The following CLASP1 variants were observed in gnomAD, a reference collection of about 807,000 sequenced individuals.
CLASP1 encodes the protein cytoplasmic linker associated protein 1, also known as CLIP-associating protein 1.
CLASP1 carries 38 observed loss-of-function variants against 192.3 expected under a neutral mutation model. That is an observed-to-expected ratio of 0.20 (90% CI 0.15 to 0.26). The LOEUF (loss-of-function observed/expected upper bound fraction) is 0.26. Among genes scored for constraint, CLASP1 ranks in the 10% least tolerant of loss-of-function variants. The pLI, the probability that CLASP1 is intolerant of heterozygous loss-of-function variation, is 1.00. For synonymous variants in CLASP1, 691 were observed against 712.8 expected, an observed-to-expected ratio of 0.97 and a Z score of 0.49; for missense variants, 1,433 against 1,932.5, an observed-to-expected ratio of 0.74 and a Z score of 4.85.
At chr2:121,346,922 C>G in intron 39 of CLASP1, 116 bp downstream of exon 40, 1 of 617,176 alleles carries the variant, frequency 1.6e-6, no homozygotes, top group Non-Finnish European at 2.9e-6. Context: ...GAAATAAGGC[C>G]CAGCTAAAAC....
intron 10 of CLASP1, 150 bp from the exon 11 acceptor site, chr2:121,461,343 TATA>T (rs2149879432): frequency 1.7e-6 from 1 of 582,588 alleles, no homozygotes; most frequent in South Asian, 2.3e-5. Flanking sequence ...CAGTTTTGTC[TATA>T]ATGAGGATCT....
intron 13 of CLASP1, among the ~76,000 whole-genome samples, chr2:121,458,596 T>A (rs1371102127): frequency 6.6e-6 from 1 of 152,108 alleles, no homozygotes; most frequent in Non-Finnish European, 1.5e-5. Context: ...AAACCAATAG[T>A]GAGTTAACAA....
At chr2:121,365,393 G>A (rs12617632) in intron 35 of CLASP1, 109 bp from the exon 37 acceptor site, 111,371 of 1,039,498 alleles carry the variant, frequency 0.11, 10,821 homozygotes, top group African/African-American at 0.45. Flanking sequence ...TCCCAGAGGC[G>A]ATGCCTCCTT....
intron 2 of CLASP1, among the ~76,000 whole-genome samples, chr2:121,566,210 A>G (rs1194990018): frequency 1.3e-5 from 2 of 152,170 alleles, no homozygotes; most frequent in Non-Finnish European, 2.9e-5. Context: ...GCAAAAAGAG[A>G]AATGGGGACG....
intron 1 of CLASP1, among the ~76,000 whole-genome samples, chr2:121,638,670 ATT>A (rs200383506): frequency 5.4e-5 from 7 of 129,558 alleles, no homozygotes; most frequent in African/African-American, 1.3e-4. Context: ...GTTCTTTTTT[ATT>A]TTTTTTTTTT....
At chr2:121,472,811 C>T (rs2090989074) in intron 8 of CLASP1, among the ~76,000 whole-genome samples, 1 of 152,072 alleles carries the variant, frequency 6.6e-6, no homozygotes, top group South Asian at 2.1e-4. Flanking sequence ...TCTTGGTGAC[C>T]CACCCAAGGC....
intron 1 of CLASP1, among the ~76,000 whole-genome samples, chr2:121,643,720 A>G (rs1267403088): frequency 1.3e-5 from 2 of 152,216 alleles, no homozygotes; most frequent in Non-Finnish European, 2.9e-5. Flanking sequence ...ATTGGGAGCC[A>G]TGCCTTTACC....
chr2:121,470,059 G>GA, intron 8 of CLASP1, 99 bp from the exon 9 acceptor site: 1 of 978,766 alleles, frequency 1.0e-6, no homozygotes, highest in Non-Finnish European at 1.5e-6. Flanking sequence ...ATTAGTCTTC[G>GA]AGACTGATTC....
At chr2:121,495,669 C>A (rs113344356) in intron 8 of CLASP1, among the ~76,000 whole-genome samples, 191 of 151,990 alleles carry the variant, frequency 1.3e-3, no homozygotes, top group Non-Finnish European at 2.2e-3. Context: ...CTCAAAAAAA[C>A]GAATAAAAAA....
At chr2:121,470,779 C>T (rs1026667188) in intron 8 of CLASP1, 2 of 335,734 alleles carry the variant, frequency 6.0e-6, no homozygotes, top group African/African-American at 4.4e-5. Context: ...TATAAATGTA[C>T]ATTTCTCCTA....
intron 19 of CLASP1, among the ~76,000 whole-genome samples, chr2:121,441,439 T>C (rs2083324213): frequency 6.6e-6 from 1 of 152,160 alleles, no homozygotes; most frequent in Admixed American, 6.5e-5. Flanking sequence ...AAAAGAATAA[T>C]TTCCTGCCAG....
intron 2 of CLASP1, among the ~76,000 whole-genome samples, chr2:121,568,120 C>T (rs4848712): frequency 0.76 from 116,177 of 152,086 alleles, 47,576 homozygotes; most frequent in Non-Finnish European, 0.9. Flanking sequence ...TTCATCCACT[C>T]GTCTAGAGGG....
intron 33 of CLASP1, among the ~76,000 whole-genome samples, chr2:121,380,906 A>AG (rs1376559990): frequency 1.3e-5 from 2 of 152,268 alleles, no homozygotes; most frequent in Non-Finnish European, 2.9e-5. Context: ...TGTGCTCTGG[A>AG]GGGGCAATCT....
chr2:121,423,487 T>C (rs2079861342), intron 22 of CLASP1, among the ~76,000 whole-genome samples: 1 of 152,072 alleles, frequency 6.6e-6, no homozygotes, highest in Admixed American at 6.6e-5. Context: ...TCTTTAATAA[T>C]ATAAAAGGAA....
intron 2 of CLASP1, among the ~76,000 whole-genome samples, chr2:121,579,722 C>A (rs752034600): frequency 6.6e-6 from 1 of 152,168 alleles, no homozygotes; most frequent in Non-Finnish European, 1.5e-5. Flanking sequence ...AAGCAGAAAT[C>A]AAACCAAACT....
At chr2:121,430,039 T>C (rs1342607323) in intron 20 of CLASP1, 34 bp downstream of exon 20, 1 of 1,456,804 alleles carries the variant, frequency 6.9e-7, no homozygotes, top group East Asian at 2.5e-5. Flanking sequence ...TGAATAAAAC[T>C]GAGGTAAGCA....
intron 2 of CLASP1, among the ~76,000 whole-genome samples, chr2:121,553,071 T>G (rs1224926969): frequency 1.3e-5 from 2 of 152,232 alleles, no homozygotes; most frequent in Admixed American, 1.3e-4. Flanking sequence ...GCTATTATCC[T>G]TAGCAAACTA....
intron 2 of CLASP1, among the ~76,000 whole-genome samples, chr2:121,538,320 G>A (rs1197273925): frequency 6.6e-6 from 1 of 151,854 alleles, no homozygotes; most frequent in Non-Finnish European, 1.5e-5. Flanking sequence ...GCTGAGGCAG[G>A]AGAATCGCTT....
chr2:121,478,674 CCA>C (rs1156944499), intron 8 of CLASP1, among the ~76,000 whole-genome samples: 7 of 86,070 alleles, frequency 8.1e-5, no homozygotes, highest in African/African-American at 1.4e-4. Flanking sequence ...CCCACACACA[CCA>C]CACACACACC....
Sources: gnomAD v4.1 joint callset for allele counts (sites outside exome capture counted in the v4.1 genomes callset) on GRCh38, gnomAD v4.1.1 for gene constraint, MANE v1.5 for transcripts, NCBI Gene and HGNC (gene_info 2026-07-23, HGNC 2026-07-21) for gene names.